NELL1: variants seen among roughly 807,000 people sequenced by gnomAD.
The protein encoded by NELL1 is protein kinase C-binding protein NELL1.
NELL1 carries 76 observed loss-of-function variants against 107.4 expected under a neutral mutation model. The ratio of observed to expected loss-of-function variants is 0.71; its 90% confidence interval spans 0.59 to 0.86. The LOEUF (loss-of-function observed/expected upper bound fraction) is 0.86, where lower values mean the gene tolerates loss of function less well. Among genes scored for constraint, NELL1 ranks in the 40% least tolerant of loss-of-function variants. The probability of loss-of-function intolerance (pLI) is 0.00; values close to 1 mark genes in which losing one functional copy is unlikely to be tolerated. For missense variants in NELL1, 1,024 were observed against 1,005.5 expected, an observed-to-expected ratio of 1.02 and a Z score of -0.25; for synonymous variants, 353 against 341.2, an observed-to-expected ratio of 1.03 and a Z score of -0.38.
chr11:21,511,968 G>T (rs1855447187), intron 15 of NELL1, among the ~76,000 whole-genome samples: 1 of 152,170 alleles, frequency 6.6e-6, no homozygotes, highest in African/African-American at 2.4e-5. Context: ...GACATAATTG[G>T]AATGAGCCTG....
At chr11:21,418,405 G>A (rs965514532) in intron 15 of NELL1, among the ~76,000 whole-genome samples, 2 of 152,136 alleles carry the variant, frequency 1.3e-5, no homozygotes, top group African/African-American at 4.8e-5. Flanking sequence ...AACTATAGTA[G>A]TATCTACTAC....
intron 12 of NELL1, among the ~76,000 whole-genome samples, chr11:21,054,847 C>A (rs1853576052): frequency 6.6e-6 from 1 of 151,790 alleles, no homozygotes; most frequent in Non-Finnish European, 1.5e-5. Context: ...TATAATTTGC[C>A]TCTTAATTTT....
At chr11:21,110,302 G>A (rs549684971) in intron 12 of NELL1, among the ~76,000 whole-genome samples, 44 of 152,248 alleles carry the variant, frequency 2.9e-4, no homozygotes, top group Admixed American at 7.2e-4. Context: ...CATCAGGGAC[G>A]TGTGGGCACA....
intron 2 of NELL1, among the ~76,000 whole-genome samples, chr11:20,780,298 A>G (rs559787528): frequency 6.6e-6 from 1 of 152,348 alleles, no homozygotes; most frequent in African/African-American, 2.4e-5. Context: ...ACCAAACATC[A>G]TTACAATAAA....
chr11:21,024,876 A>T (rs929177725), intron 12 of NELL1, among the ~76,000 whole-genome samples: 3 of 152,100 alleles, frequency 2.0e-5, no homozygotes, highest in Non-Finnish European at 4.4e-5. Flanking sequence ...CTTGTGAATG[A>T]AATGTCCTCT....
At chr11:21,046,734 A>C (rs2134340845) in intron 12 of NELL1, among the ~76,000 whole-genome samples, 1 of 151,158 alleles carries the variant, frequency 6.6e-6, no homozygotes, top group Middle Eastern at 3.4e-3. Flanking sequence ...GCAGGGTCTC[A>C]CTCTGTCACC....
chr11:21,480,633 T>C (rs1341521442), intron 15 of NELL1, among the ~76,000 whole-genome samples: 1 of 152,194 alleles, frequency 6.6e-6, no homozygotes, highest in African/African-American at 2.4e-5. Context: ...GGATTTTTCT[T>C]CAATGAATGT....
At chr11:21,315,217 A>C (rs1849850372) in intron 14 of NELL1, among the ~76,000 whole-genome samples, 2 of 152,164 alleles carry the variant, frequency 1.3e-5, no homozygotes, top group Non-Finnish European at 2.9e-5. Flanking sequence ...TATAGTGCAA[A>C]CATAAACAGG....
At chr11:20,811,330 T>C (rs1367871628) in intron 3 of NELL1, among the ~76,000 whole-genome samples, 1 of 152,140 alleles carries the variant, frequency 6.6e-6, no homozygotes, top group Non-Finnish European at 1.5e-5. Flanking sequence ...CAGTATCATG[T>C]TGTTTTGGTT....
At chr11:20,918,874 T>C (rs551525496) in intron 6 of NELL1, among the ~76,000 whole-genome samples, 2 of 152,130 alleles carry the variant, frequency 1.3e-5, no homozygotes, top group Admixed American at 1.3e-4. Context: ...TATAGAAAGA[T>C]ATGTTTAATA....
intron 15 of NELL1, among the ~76,000 whole-genome samples, chr11:21,513,415 T>C (rs1313456144): frequency 6.6e-6 from 1 of 152,170 alleles, no homozygotes; most frequent in African/African-American, 2.4e-5. Context: ...AGAGACACAT[T>C]GGTGGCTTGA....
intron 13 of NELL1, among the ~76,000 whole-genome samples, chr11:21,188,587 C>G (rs1269806856): frequency 6.6e-6 from 1 of 151,666 alleles, no homozygotes; most frequent in Non-Finnish European, 1.5e-5. Flanking sequence ...GTTGTACTGA[C>G]ATTTTTCTAA....
intron 12 of NELL1, among the ~76,000 whole-genome samples, chr11:21,094,635 T>C (rs1435628897): frequency 6.6e-6 from 1 of 152,156 alleles, no homozygotes; most frequent in Non-Finnish European, 1.5e-5. Context: ...ACCTCAATTC[T>C]AGCAAGCTTA....
chr11:21,470,302 G>A (rs1421799032), intron 15 of NELL1, among the ~76,000 whole-genome samples: 1 of 152,004 alleles, frequency 6.6e-6, no homozygotes, highest in Non-Finnish European at 1.5e-5. Flanking sequence ...AGACTCGAGA[G>A]AGCAAAGTCT....
At chr11:20,733,259 A>G (rs1390777538) in intron 2 of NELL1, among the ~76,000 whole-genome samples, 1 of 152,196 alleles carries the variant, frequency 6.6e-6, no homozygotes, top group Non-Finnish European at 1.5e-5. Flanking sequence ...ACATTCAGCT[A>G]CAATTTAGCG....
intron 12 of NELL1, among the ~76,000 whole-genome samples, chr11:21,072,254 A>G (rs931447463): frequency 6.6e-6 from 1 of 152,180 alleles, no homozygotes; most frequent in Non-Finnish European, 1.5e-5. Flanking sequence ...ATTATTAAGC[A>G]CAAGCGCAAT....
intron 2 of NELL1, among the ~76,000 whole-genome samples, chr11:20,707,665 G>C (rs1053328209): frequency 6.6e-6 from 1 of 152,210 alleles, no homozygotes; most frequent in African/African-American, 2.4e-5. Context: ...GGTTTCACCA[G>C]TAGAGGCTGC....
At chr11:21,378,098 G>C (rs1311319975) in intron 15 of NELL1, among the ~76,000 whole-genome samples, 4 of 151,788 alleles carry the variant, frequency 2.6e-5, no homozygotes, top group Admixed American at 2.6e-4. Flanking sequence ...TTTGTGGTGA[G>C]AGCATTCAAA....
chr11:21,085,640 CA>C (rs917869875), intron 12 of NELL1, among the ~76,000 whole-genome samples: 2 of 151,506 alleles, frequency 1.3e-5, no homozygotes, highest in African/African-American at 4.9e-5. Flanking sequence ...AAAAAAAAAC[CA>C]AAAAACAAAA....
Sources: gnomAD v4.1 joint callset for allele counts (sites outside exome capture counted in the v4.1 genomes callset) on GRCh38, gnomAD v4.1.1 for gene constraint, MANE v1.5 for transcripts, NCBI Gene and HGNC (gene_info 2026-07-23, HGNC 2026-07-21) for gene names.